Variants in STK25 observed in about 807,000 individuals in gnomAD.
The protein encoded by STK25 is serine/threonine kinase 25, also known as serine/threonine-protein kinase 25.
Under a neutral mutation model 53.8 loss-of-function variants are expected in STK25, and 29 were observed. The ratio of observed to expected loss-of-function variants is 0.54; its 90% CI spans 0.40 to 0.74. STK25 has a LOEUF of 0.74. Among genes scored for constraint, STK25 ranks in the 30% least tolerant of loss-of-function variants. STK25 has a pLI of 0.00. For missense variants in STK25, 420 were observed against 568.0 expected, an observed-to-expected ratio of 0.74 and a Z score of 2.65; for synonymous variants, 247 against 238.3, an observed-to-expected ratio of 1.04 and a Z score of -0.33.
At chr2:241,503,879 G>A (rs1452253560) in intron 2 of STK25, among the ~76,000 whole-genome samples, 1 of 152,030 alleles carries the variant, frequency 6.6e-6, no homozygotes, top group Non-Finnish European at 1.5e-5. Context: ...ACACCTGTGT[G>A]CTGGGTCCAC....
chr2:241,495,671 G>A lies in STK25; in HGVS notation c.1272C>T (p.Ser424=), dbSNP rs367768811. The A allele has an allele frequency of 3.0e-5, 49 of 1,614,248 alleles. No individual in the cohort carries two copies. Among genetic ancestry groups the A allele is most frequent in the East Asian group, 1.1e-4 (5 of 44,894 alleles). Residue 424 remains serine, a synonymous_variant, in exon 12 of 12, where the codon TCC becomes TCT. Coordinates refer to ENST00000316586, the MANE Select transcript of STK25 (RefSeq NM_001271977.2). ...TGAACAGCAGTGCGCTTCAGCGGGT[G>A]GATGTCAGGTGGTTTCTGTTGTGTG... The part of the protein sequence containing the change: ...RFSHNRNHLT[S]TR
rs772987757 is a variant in STK25 at position 241,496,508 on chromosome 2, G to A, written c.1131C>T (p.Gly377=). The A allele has an allele frequency of 6.2e-6, 10 of 1,613,468 alleles. No homozygotes were observed. The highest frequency in any genetic ancestry group is 3.3e-4 in the Middle Eastern group (2 of 6,082). Residue 377 remains glycine (G), a synonymous_variant, in exon 11 of 12, where the codon GGC becomes GGT. Transcript: ENST00000316586. The surrounding 1 kb of genome is among the most constrained non-coding windows in gnomAD (Gnocchi z 5.8). ...GCTCCTCCAGCGCACCCACGCTCCC[G>A]CCGCTCTGCTTGTGCTTCTCTTTGA... is the stretch of plus-strand genomic sequence containing the variant. The part of the protein sequence containing the change: ...GELKEKHKQS[G]GSVGALEELE...
Position 241,508,436 on chromosome 2 carries a change from C to T in STK25, c.-101+7G>A. On this transcript the variant is annotated splice_region_variant and intron_variant, in intron 1 of 11. Transcript: ENST00000316586. ...GCCGCAAGCGCCCCGCCCGGCAGCGCGCCCACCTCCGCGGGGCTCCATCCC... is the reference window on the plus strand; with the variant it reads ...GCCGCAAGCGCCCCGCCCGGCAGCGTGCCCACCTCCGCGGGGCTCCATCCC... 1 of 1,084,846 alleles carries T rather than the reference C, an allele frequency of 9.2e-7. No homozygotes were observed. The allele number at this position is 1,084,846 out of a possible 1,614,324, so 67.2% of individuals were successfully genotyped here.
chr2:241,499,655 C>T (rs992732241), intron 5 of STK25: 11 of 595,308 alleles, frequency 1.8e-5, no homozygotes, highest in South Asian at 4.1e-5. Flanking sequence ...TTGGCTTTTA[C>T]GACAAATCCC....
rs1282333039 is a variant in STK25 at position 241,500,748 on chromosome 2, G to T, written c.310C>A (p.Leu104Met). ...IMEYLGGGSALDLLKPGPLEE... is the reference protein window; with the variant it reads ...IMEYLGGGSAMDLLKPGPLEE... ...CATGGCCTATGCCTCACCAAGTCCA[G>T]TGCTGAGCCGCCGCCCAGGTACTCC... Residue 104 changes from leucine to methionine, a missense_variant, in exon 4 of 12, where the codon CTG becomes ATG. Leu to Met is a conservative substitution (Grantham distance 15). Coordinates refer to ENST00000316586, the MANE Select transcript of STK25 (RefSeq NM_001271977.2). 6.2e-7 allele frequency: 1 copy of T among 1,613,972 alleles called. No homozygotes were observed. Among genetic ancestry groups the T allele is most frequent in the Admixed American group, 1.7e-5 (1 of 60,006 alleles).
rs34819281 is a variant in STK25, at chr2:241,501,433, C to A, written c.261+45G>T. 555 of 1,568,164 alleles carry A rather than the reference C, an allele frequency of 3.5e-4. 1 individual carries two copies. The African/African-American group carries it at 7.0e-3, about 20-fold the overall frequency. ...TCAGTCCCTCTGACATGGAAGAGAG[C>A]CGGGCACAGCACCAGCAGGGTCCCC... On this transcript the variant is annotated intron_variant, in intron 3 of 11. Coordinates refer to ENST00000316586, the MANE Select transcript of STK25 (RefSeq NM_001271977.2). This position sits in a 1 kb window ranked among gnomAD's most constrained non-coding sequence, Gnocchi z 5.3.
At chr2:241,508,941 C>G (rs2066019765), upstream of STK25, among the ~76,000 whole-genome samples, 1 of 152,206 alleles carries the variant, frequency 6.6e-6, no homozygotes, top group Non-Finnish European at 1.5e-5. Context: ...CGGCCCTCTC[C>G]CTTGGGCTCT....
In STK25 at chr2:241,494,181, G is replaced by C; in HGVS notation, c.*1481C>G. 8.0e-6 allele frequency: 9 copies of C among 1,121,382 alleles called. No homozygotes were observed. Among genetic ancestry groups the C allele is most frequent in the Non-Finnish European group, 1.1e-5 (9 of 807,048 alleles). The allele number at this position is 1,121,382 out of a possible 1,614,324, so 69.5% of individuals were successfully genotyped here. A position where few individuals can be genotyped will look rare whatever the true frequency, so the allele number is the denominator to read the frequency against. On this transcript the variant is annotated 3_prime_UTR_variant, in exon 12 of 12. Transcript: ENST00000316586. This position sits in a 1 kb window ranked among gnomAD's most constrained non-coding sequence, Gnocchi z 4.9. ...ACAAAGAACAGCAGGACACAGAGGT[G>C]ACCTCTGTCCTGAGGCTTCTCAACA...
intron 2 of STK25, chr2:241,504,086 T>A (rs34920458): frequency 1.4e-4 from 65 of 470,898 alleles, no homozygotes; most frequent in African/African-American, 1.3e-3. Context: ...GACCTCGAGG[T>A]GACTGGAACT....
In STK25 at chr2:241,501,301, C is replaced by A. The variant is rs1291404749; in HGVS notation, c.261+177G>T. On this transcript the variant is annotated intron_variant, in intron 3 of 11. Coordinates refer to ENST00000316586, the MANE Select transcript of STK25 (RefSeq NM_001271977.2). This position sits in a 1 kb window ranked among gnomAD's most constrained non-coding sequence, Gnocchi z 5.3. ...AGTGGGTCCCAATGGCCATTTAGAG[C>A]CAACTGACCCTCGTGGACGAGGGCT... 3.0e-5 allele frequency: 20 copies of A among 672,170 alleles called. No individual in the cohort carries two copies. The highest frequency in any genetic ancestry group is 5.3e-5 in the Non-Finnish European group (20 of 378,610). 41.6% of individuals were successfully genotyped at this position (672,170 alleles called of 1,614,324 possible).
intron 10 of STK25, 40 bp downstream of exon 10, chr2:241,497,576 C>T (rs746718492): frequency 6.2e-7 from 1 of 1,604,408 alleles, no homozygotes; most frequent in South Asian, 1.1e-5. Context: ...CAGCCTTGTC[C>T]TTGACGGGAC....
At chr2:241,500,879 C>G in intron 3 of STK25, 83 bp from the exon 4 acceptor site, 1 of 1,404,164 alleles carries the variant, frequency 7.1e-7, no homozygotes, top group Non-Finnish European at 1.0e-6. Flanking sequence ...CCGGAGTCAG[C>G]CAGGGCCCAG....
intron 1 of STK25, 50 bp from the exon 2 acceptor site, chr2:241,508,185 C>A (rs1455181487): frequency 2.2e-6 from 3 of 1,363,942 alleles, no homozygotes; most frequent in East Asian, 6.2e-5. Context: ...CATCTGAGAC[C>A]GACCTCCGGG....
chr2:241,500,204 G>T lies in STK25; in HGVS notation c.396C>A (p.His132Gln). Residue 132 changes from histidine (H) to glutamine (Q), a missense_variant, in exon 5 of 12, where the codon CAC (histidine) becomes CAA (glutamine). Physicochemically the swap from His to Gln is conservative, Grantham distance 24 (BLOSUM62 0). Transcript: ENST00000316586. ...REILKGLDYL[H>Q]SERKIHRDIK... ...TGTCTCGGTGGATCTTGCGTTCGGA[G>T]TGCAGATAATCCAGGCCCTTCAGAA... 4 of 1,612,874 alleles carry T rather than the reference G, an allele frequency of 2.5e-6. No homozygotes were observed. The highest frequency in any genetic ancestry group is 3.4e-6 in the Non-Finnish European group (4 of 1,179,634).
intron 2 of STK25, 128 bp downstream of exon 2, chr2:241,507,878 C>T: frequency 1.0e-6 from 1 of 981,030 alleles, no homozygotes. Context: ...CTCCGCTGGT[C>T]GCACGACGCG....
At chr2:241,500,099 C>T (rs1159010710) in intron 5 of STK25, 74 bp downstream of exon 5, 2 of 1,363,970 alleles carry the variant, frequency 1.5e-6, no homozygotes, top group Admixed American at 1.7e-5. Flanking sequence ...CCACTTGCCC[C>T]TCACAGGCCC....
chr2:241,495,792 C>A, intron 11 of STK25, 91 bp from the exon 12 acceptor site: 1 of 1,391,020 alleles, frequency 7.2e-7, no homozygotes, highest in South Asian at 1.2e-5. Flanking sequence ...GGTGGCAGCC[C>A]TGACAAGCCA....
chr2:241,496,362 G>A lies in STK25; in HGVS notation c.1241+36C>T, dbSNP rs538772189. The stretch of plus-strand genomic sequence containing the variant: ...CCCCACGTCCAGCTTCTTGGTGGGG[G>A]TGCTCTCCCCGACCCTATGGCACGG... On this transcript the variant is annotated intron_variant, in intron 11 of 11. Transcript: ENST00000316586. The surrounding 1 kb of genome is among the most constrained non-coding windows in gnomAD (Gnocchi z 5.8). The A allele has an allele frequency of 3.7e-5, 59 of 1,592,038 alleles. No homozygotes were observed. In the East Asian group the frequency reaches 1.1e-3, roughly 31 times the overall value.
chr2:241,501,809 AG>A lies in STK25; in HGVS notation c.31-102del. ...CTGGGGAGGAAGGGACCTGTAGGGA[AG>A]GGGGAGTCCAAGGGAGCGCACCTCA... On this transcript the variant is annotated intron_variant, in intron 2 of 11. Transcript: ENST00000316586. This position sits in a 1 kb window ranked among gnomAD's most constrained non-coding sequence, Gnocchi z 5.3. 1 of 809,912 alleles carries A rather than the reference AG, an allele frequency of 1.2e-6. No individual in the cohort carries two copies. 50.2% of individuals were successfully genotyped at this position (809,912 alleles called of 1,614,324 possible). A position where few individuals can be genotyped will look rare whatever the true frequency, so the allele number is the denominator to read the frequency against.
Sources: allele counts gnomAD v4.1 joint callset (sites outside exome capture counted in the v4.1 genomes callset), GRCh38; gene constraint gnomAD v4.1.1; non-coding constraint Gnocchi (gnomAD v3.1); transcripts MANE v1.5; gene names NCBI Gene and HGNC (gene_info 2026-07-23, HGNC 2026-07-21).